XRCC4: variants seen among roughly 807,000 people sequenced by gnomAD.
The protein encoded by XRCC4 is X-ray repair cross complementing 4.
A neutral mutation model predicts 39.1 loss-of-function variants in XRCC4; 28 were observed. The observed-to-expected ratio is 0.72, with a 90% CI of 0.53 to 0.98. The LOEUF is 0.98. Among genes scored for constraint, XRCC4 ranks in the 50% least tolerant of loss-of-function variants. The pLI is 0.00. For missense variants in XRCC4, 350 were observed against 376.4 expected, an observed-to-expected ratio of 0.93 and a Z score of 0.58; for synonymous variants, 123 against 126.4, an observed-to-expected ratio of 0.97 and a Z score of 0.18.
chr5:83,257,704 T>C (rs1753596060), intron 6 of XRCC4, among the ~76,000 whole-genome samples: 1 of 152,212 alleles, frequency 6.6e-6, no homozygotes, highest in Non-Finnish European at 1.5e-5. Context: ...CCCAAAGTAT[T>C]CTAAATCATT....
chr5:83,163,767 A>G (rs187411875), intron 3 of XRCC4, among the ~76,000 whole-genome samples: 59 of 152,328 alleles, frequency 3.9e-4, no homozygotes, highest in African/African-American at 1.4e-3. Flanking sequence ...TGTCATTACA[A>G]TAAACTTTGA....
chr5:83,096,299 T>TA (rs1745674303), intron 1 of XRCC4, among the ~76,000 whole-genome samples: 1 of 152,054 alleles, frequency 6.6e-6, no homozygotes, highest in Non-Finnish European at 1.5e-5. Context: ...TGACCAGTGA[T>TA]AAGCGGGAAC....
At chr5:83,126,325 T>C (rs1382040385) in intron 3 of XRCC4, among the ~76,000 whole-genome samples, 1 of 152,194 alleles carries the variant, frequency 6.6e-6, no homozygotes, top group Non-Finnish European at 1.5e-5. Context: ...ATTATGAGCA[T>C]CTATTAATAG....
intron 7 of XRCC4, among the ~76,000 whole-genome samples, chr5:83,266,317 TATG>T (rs1753951675): frequency 6.7e-6 from 1 of 150,276 alleles, no homozygotes; most frequent in South Asian, 2.1e-4. Flanking sequence ...AATCATCTAG[TATG>T]ATGTGTTACT....
At chr5:83,131,636 C>T (rs13159968) in intron 3 of XRCC4, among the ~76,000 whole-genome samples, 27,330 of 151,990 alleles carry the variant, frequency 0.18, 3,065 homozygotes, top group Non-Finnish European at 0.26. Flanking sequence ...TATGTAATGG[C>T]CTTCTTTGTC....
chr5:83,171,271 T>C (rs1263604160), intron 3 of XRCC4, among the ~76,000 whole-genome samples: 1 of 152,130 alleles, frequency 6.6e-6, no homozygotes, highest in Non-Finnish European at 1.5e-5. Flanking sequence ...GATCTTCTTA[T>C]CTCTGGTCCT....
chr5:83,357,354 T>C (rs993455152), downstream of XRCC4, among the ~76,000 whole-genome samples: 2 of 152,132 alleles, frequency 1.3e-5, no homozygotes, highest in Non-Finnish European at 2.9e-5. Context: ...AACTATAATA[T>C]GAAGGAGTGG....
chr5:83,270,357 T>G (rs1207382900), intron 7 of XRCC4, among the ~76,000 whole-genome samples: 1 of 152,056 alleles, frequency 6.6e-6, no homozygotes, highest in Non-Finnish European at 1.5e-5. Context: ...TATCTTTAGC[T>G]TCTTCTTTTC....
chr5:83,250,814 G>T lies in XRCC4; in HGVS notation c.746-7716G>T, dbSNP rs1023106534. On this transcript the variant is annotated intron_variant, in intron 6 of 7. Coordinates refer to ENST00000396027, the MANE Select transcript of XRCC4 (RefSeq NM_003401.5). ...TTCAAAAAAAGCATCTATATAAGAA[G>T]AAAAGCAATGTAAGAAATAAAATTA... 2.0e-5 allele frequency among the ~76,000 whole-genome samples: 3 copies of T among 152,216 alleles called. No individual in the cohort carries two copies. The South Asian group carries it at 6.2e-4, about 32-fold the overall frequency.
At chr5:83,311,019 C>A (rs1461696742) in intron 7 of XRCC4, 1 of 284,584 alleles carries the variant, frequency 3.5e-6, no homozygotes, top group African/African-American at 2.2e-5. Flanking sequence ...TCATTTCAGA[C>A]TTGTGGCCTC....
At chr5:83,271,737 A>AAG (rs1561446493) in intron 7 of XRCC4, among the ~76,000 whole-genome samples, 1 of 151,672 alleles carries the variant, frequency 6.6e-6, no homozygotes, top group African/African-American at 2.4e-5. Context: ...AGTGGGAGGG[A>AAG]AGAGAGAGAG....
At chr5:83,341,446 A>G (rs917944216) in intron 7 of XRCC4, among the ~76,000 whole-genome samples, 1 of 152,194 alleles carries the variant, frequency 6.6e-6, no homozygotes, top group African/African-American at 2.4e-5. Flanking sequence ...AGGTTTCCCA[A>G]TTAACAGAAA....
At chr5:83,274,042 T>G (rs1321494144) in intron 7 of XRCC4, among the ~76,000 whole-genome samples, 1 of 152,196 alleles carries the variant, frequency 6.6e-6, no homozygotes, top group African/African-American at 2.4e-5. Flanking sequence ...ACCTCAATAT[T>G]ATAATTTCTA....
intron 3 of XRCC4, among the ~76,000 whole-genome samples, chr5:83,179,421 T>A (rs11952866): frequency 0.015 from 2,311 of 152,164 alleles, 56 homozygotes; most frequent in African/African-American, 0.052. Context: ...AGGGGCGGGG[T>A]TTGCCAGGGA....
intron 6 of XRCC4, among the ~76,000 whole-genome samples, chr5:83,247,275 C>G (rs967203307): frequency 3.3e-5 from 5 of 152,230 alleles, no homozygotes; most frequent in South Asian, 4.1e-4. Flanking sequence ...TCATCCATAT[C>G]TTACAGCAGG....
At position 83,353,237 on chromosome 5, in the gene XRCC4, A is replaced by C. The variant is rs774952010; in HGVS notation, c.1000A>C (p.Ile334Leu). The change falls in exon 8 of 8, where the codon ATT (isoleucine) becomes CTT (leucine). Residue 334 changes from isoleucine (I) to leucine (L), a missense_variant. Coordinates refer to ENST00000396027, the MANE Select transcript of XRCC4 (RefSeq NM_003401.5). The stretch of plus-strand genomic sequence containing the variant: ...CAGCCCAGAAGACCTCTTTGATGAG[A>C]TTTAACAGTCTCAAAAAATACTTTG... ...NSSPEDLFDEI is the reference protein window; with the variant it reads ...NSSPEDLFDEL 1.3e-6 allele frequency: 2 copies of C among 1,593,336 alleles called. No homozygotes were observed. The highest frequency in any genetic ancestry group is 1.7e-6 in the Non-Finnish European group (2 of 1,171,400).
chr5:83,078,047 A>G (rs1452785845), intron 1 of XRCC4, among the ~76,000 whole-genome samples: 1 of 152,152 alleles, frequency 6.6e-6, no homozygotes, highest in Non-Finnish European at 1.5e-5. Flanking sequence ...CGAGGCTGAA[A>G]CGTACTAGGC....
At chr5:83,364,096 G>A in the XRCC4 span, among the ~76,000 whole-genome samples, 8 of 152,248 alleles carry the variant, frequency 5.3e-5, no homozygotes, top group South Asian at 1.7e-3. Flanking sequence ...TGAAAGAGGG[G>A]CTTAAATCCT....
At chr5:83,308,671 T>A (rs986028561) in intron 7 of XRCC4, among the ~76,000 whole-genome samples, 1 of 152,180 alleles carries the variant, frequency 6.6e-6, no homozygotes, top group Non-Finnish European at 1.5e-5. Context: ...AGGATTCTTA[T>A]TAAATATATA....
Sources: allele counts gnomAD v4.1 joint callset (sites outside exome capture counted in the v4.1 genomes callset), GRCh38; gene constraint gnomAD v4.1.1; transcripts MANE v1.5; gene names NCBI Gene and HGNC (gene_info 2026-07-23, HGNC 2026-07-21).